CA10: variants seen among roughly 807,000 people sequenced by gnomAD.
CA10 encodes carbonic anhydrase-related protein 10.
A neutral mutation model predicts 44.2 loss-of-function variants in CA10; 14 were observed. The ratio of observed to expected loss-of-function variants is 0.32; its 90% CI spans 0.21 to 0.50. The LOEUF (loss-of-function observed/expected upper bound fraction) is 0.50, where lower values mean the gene tolerates loss of function less well. Ranked by LOEUF, CA10 falls within the 20% of genes least tolerant of loss-of-function variation. The probability of loss-of-function intolerance (pLI) is 0.99; values close to 1 mark genes in which losing one functional copy is unlikely to be tolerated. For missense variants in CA10, 350 were observed against 409.7 expected (o/e 0.85, Z 1.26); for synonymous variants, 159 against 141.6 (o/e 1.12, Z -0.87).
chr17:52,090,437 G>T (rs1303366451), intron 1 of CA10, among the ~76,000 whole-genome samples: 1 of 152,108 alleles, frequency 6.6e-6, no homozygotes, highest in African/African-American at 2.4e-5. Flanking sequence ...CAGCATTGAT[G>T]ATGCTGAAAT....
chr17:51,858,903 C>T (rs1237899263), intron 3 of CA10, among the ~76,000 whole-genome samples: 1 of 151,912 alleles, frequency 6.6e-6, no homozygotes, highest in Non-Finnish European at 1.5e-5. Context: ...GCCTATTAAT[C>T]CCTATGGGAG....
chr17:51,966,126 CA>C (rs1567903174), intron 2 of CA10, among the ~76,000 whole-genome samples: 1 of 151,222 alleles, frequency 6.6e-6, no homozygotes, highest in African/African-American at 2.4e-5. Context: ...AATAGCCATA[CA>C]AAAAACACCT....
intron 1 of CA10, among the ~76,000 whole-genome samples, chr17:52,114,911 C>A (rs1379824375): frequency 6.6e-6 from 1 of 152,226 alleles, no homozygotes; most frequent in African/African-American, 2.4e-5. Flanking sequence ...CCCAGCCATT[C>A]TCCATCCACT....
chr17:51,824,636 C>T, intron 3 of CA10, among the ~76,000 whole-genome samples: 1 of 152,158 alleles, frequency 6.6e-6, no homozygotes, highest in Non-Finnish European at 1.5e-5. Flanking sequence ...CTGATCTCAT[C>T]CTTGTTTAAA....
chr17:52,109,560 A>G (rs1988746000), intron 1 of CA10, among the ~76,000 whole-genome samples: 1 of 152,226 alleles, frequency 6.6e-6, no homozygotes, highest in African/African-American at 2.4e-5. Flanking sequence ...ACTATTGCAG[A>G]TTAATGCAGA....
chr17:52,102,819 A>G (rs921188175), intron 1 of CA10, among the ~76,000 whole-genome samples: 2 of 152,072 alleles, frequency 1.3e-5, no homozygotes, highest in East Asian at 1.9e-4. Flanking sequence ...ATTTTCCTCA[A>G]CCTCATTACT....
At chr17:51,950,575 A>G (rs1466104534) in intron 2 of CA10, among the ~76,000 whole-genome samples, 3 of 152,036 alleles carry the variant, frequency 2.0e-5, no homozygotes, top group African/African-American at 4.8e-5. Context: ...CCTACCACCA[A>G]TCACTGCTTC....
chr17:51,940,760 C>G (rs1034549076), intron 2 of CA10, among the ~76,000 whole-genome samples: 1 of 151,654 alleles, frequency 6.6e-6, no homozygotes, highest in Non-Finnish European at 1.5e-5. Context: ...TCCTTGTGTT[C>G]TTATAACTCC....
At chr17:51,800,254 G>C (rs191124574) in intron 3 of CA10, among the ~76,000 whole-genome samples, 44 of 152,170 alleles carry the variant, frequency 2.9e-4, no homozygotes, top group Admixed American at 2.2e-3. Flanking sequence ...GACACAAACG[G>C]CTACGTATGA....
chr17:51,954,946 T>C (rs1420328969), intron 2 of CA10, among the ~76,000 whole-genome samples: 2 of 152,114 alleles, frequency 1.3e-5, no homozygotes, highest in South Asian at 2.1e-4. Context: ...TAACAGATAA[T>C]GTATGCTTCT....
At chr17:52,060,893 A>G (rs1438274975) in intron 2 of CA10, among the ~76,000 whole-genome samples, 2 of 152,190 alleles carry the variant, frequency 1.3e-5, no homozygotes, top group African/African-American at 4.8e-5. Flanking sequence ...AACTTTATCT[A>G]ATTTGCTTTG....
chr17:51,733,120 C>T (rs764916332), intron 4 of CA10, among the ~76,000 whole-genome samples: 1 of 152,196 alleles, frequency 6.6e-6, no homozygotes, highest in Non-Finnish European at 1.5e-5. Context: ...CTAGAGCCCC[C>T]AGAGGACAGT....
chr17:51,909,195 T>C (rs1422543583), intron 3 of CA10, among the ~76,000 whole-genome samples: 1 of 152,154 alleles, frequency 6.6e-6, no homozygotes, highest in Non-Finnish European at 1.5e-5. Context: ...ATCTCTTTCC[T>C]AGCCTCTGTT....
chr17:51,676,577 C>T (rs550330953), intron 4 of CA10, among the ~76,000 whole-genome samples: 36 of 152,290 alleles, frequency 2.4e-4, no homozygotes, highest in African/African-American at 7.9e-4. Flanking sequence ...TGAGAAGCTC[C>T]GAGATAGATG....
chr17:51,950,889 T>G (rs1256037281), intron 2 of CA10, among the ~76,000 whole-genome samples: 5 of 152,156 alleles, frequency 3.3e-5, no homozygotes, highest in African/African-American at 9.7e-5. Flanking sequence ...TGTTGTTTTC[T>G]GCTATGTGCT....
chr17:51,630,584 C>G lies in CA10; in HGVS notation c.*1000G>C, dbSNP rs1912525742. 6.6e-6 allele frequency: 1 copy of G among 152,562 alleles called. No individual in the cohort carries two copies. The highest frequency in any genetic ancestry group is 1.5e-5 in the Non-Finnish European group (1 of 68,034). 9.5% of individuals were successfully genotyped at this position (152,562 alleles called of 1,614,324 possible). The stretch of plus-strand genomic sequence containing the variant: ...AGCTCACCTCATGTGAATGATTGAG[C>G]CATGGAGTGGAATTAAAGTCATACT... On this transcript the variant is annotated 3_prime_UTR_variant, in exon 9 of 9. Coordinates refer to ENST00000451037, the MANE Select transcript of CA10 (RefSeq NM_020178.5).
chr17:52,102,926 A>G (rs1186150657), intron 1 of CA10, among the ~76,000 whole-genome samples: 7 of 152,194 alleles, frequency 4.6e-5, no homozygotes, highest in African/African-American at 1.7e-4. Context: ...CCCTCTACGG[A>G]AGTCACTTAC....
chr17:51,726,124 A>C (rs964207420), intron 4 of CA10, among the ~76,000 whole-genome samples: 1 of 152,206 alleles, frequency 6.6e-6, no homozygotes, highest in African/African-American at 2.4e-5. Context: ...TGGGCAGATG[A>C]ATGCCTATGC....
chr17:52,038,661 T>C (rs1986684107), intron 2 of CA10, among the ~76,000 whole-genome samples: 1 of 152,062 alleles, frequency 6.6e-6, no homozygotes, highest in South Asian at 2.1e-4. Flanking sequence ...CCTCATACAA[T>C]TGTGATGAGA....
Sources: allele counts gnomAD v4.1 joint callset (sites outside exome capture counted in the v4.1 genomes callset), GRCh38; gene constraint gnomAD v4.1.1; transcripts MANE v1.5; gene names NCBI Gene and HGNC (gene_info 2026-07-23, HGNC 2026-07-21).